The following ATP2C2 variants were observed in gnomAD, a reference collection of about 807,000 sequenced individuals.
ATP2C2 encodes ATPase secretory pathway Ca2+ transporting 2.
In ATP2C2, 171 loss-of-function variants were observed where a neutral mutation model predicts 110.8. That is an observed-to-expected ratio of 1.54 (90% CI 1.36 to 1.75). ATP2C2 has a LOEUF of 1.75. Ranked by LOEUF, ATP2C2 falls within the 40% of genes most tolerant of loss-of-function variation. The pLI is 0.00. For missense variants in ATP2C2, 1,963 were observed against 1,235.0 expected (o/e 1.59, Z -8.84); for synonymous variants, 804 against 508.4 (o/e 1.58, Z -7.82).
intron 10 of ATP2C2, among the ~76,000 whole-genome samples, chr16:84,424,870 TG>T (rs1907672123): frequency 6.6e-6 from 1 of 152,156 alleles, no homozygotes; most frequent in Non-Finnish European, 1.5e-5. Flanking sequence ...CCTTCTACTA[TG>T]GGAATGCCAC....
At chr16:84,452,948 G>C (rs982407325) in intron 18 of ATP2C2, among the ~76,000 whole-genome samples, 190 bp from the exon 19 acceptor site, 4 of 152,170 alleles carry the variant, frequency 2.6e-5, no homozygotes, top group Non-Finnish European at 4.4e-5. Context: ...TCTTTAAAGT[G>C]GGGATAATGA....
At chr16:84,411,710 G>A (rs1906311027) in intron 6 of ATP2C2, among the ~76,000 whole-genome samples, 1 of 152,122 alleles carries the variant, frequency 6.6e-6, no homozygotes, top group African/African-American at 2.4e-5. Context: ...CTAAAGTAGT[G>A]GGATTACAGG....
chr16:84,433,663 A>AAAACG (rs1455088623), intron 11 of ATP2C2, among the ~76,000 whole-genome samples: 3 of 141,682 alleles, frequency 2.1e-5, no homozygotes, highest in Non-Finnish European at 3.0e-5. Flanking sequence ...AAAACAAAAC[A>AAAACG]AAACAAACAA....
chr16:84,389,570 C>G (rs879618859), intron 1 of ATP2C2, among the ~76,000 whole-genome samples: 1 of 152,200 alleles, frequency 6.6e-6, no homozygotes, highest in African/African-American at 2.4e-5. Context: ...ATTTTCGTTT[C>G]TTAAACGCGG....
At chr16:84,425,892 G>C (rs1264835184) in intron 11 of ATP2C2, 91 bp downstream of exon 11, 1 of 1,494,216 alleles carries the variant, frequency 6.7e-7, no homozygotes, top group African/African-American at 1.4e-5. Flanking sequence ...GGAGGCTGCA[G>C]AATAGGAAGG....
At chr16:84,404,995 A>C (rs529829723) in intron 2 of ATP2C2, 133 bp from the exon 3 acceptor site, 1 of 807,718 alleles carries the variant, frequency 1.2e-6, no homozygotes, top group East Asian at 2.4e-5. Flanking sequence ...AACAAGTCCC[A>C]GCACCTTGGT....
At chr16:84,371,095 G>A (rs1030250871) in intron 1 of ATP2C2, among the ~76,000 whole-genome samples, 1 of 152,200 alleles carries the variant, frequency 6.6e-6, no homozygotes, top group Non-Finnish European at 1.5e-5. Context: ...AGACCCAGTG[G>A]TCTCAGGTGC....
intron 1 of ATP2C2, among the ~76,000 whole-genome samples, chr16:84,369,775 T>C (rs1163649657): frequency 2.6e-5 from 4 of 152,256 alleles, no homozygotes; most frequent in Non-Finnish European, 5.9e-5. Flanking sequence ...AATAGTGTTT[T>C]GTGCTTTTTT....
rs773113418 is a variant in ATP2C2 at position 84,398,528 on chromosome 16, C to G, written c.129C>G (p.Ile43Met). 2.5e-6 allele frequency: 4 copies of G among 1,612,856 alleles called. No individual in the cohort carries two copies. The South Asian group carries it at 3.3e-5, about 13-fold the overall frequency. ...LIDEQSELKAIEKEKKVTALP... is the reference protein window; with the variant it reads ...LIDEQSELKAMEKEKKVTALP... ...ATGAACAGAGTGAGCTGAAAGCCAT[C>G]GAGAAAGAGAAGAAGGTGACAGCCC... Residue 43 changes from isoleucine (I) to methionine (M), a missense_variant, in exon 2 of 27, where the codon ATC (isoleucine) becomes ATG (methionine). By Grantham distance (10) the Ile-to-Met change is conservative. Transcript: ENST00000262429.
intron 1 of ATP2C2, among the ~76,000 whole-genome samples, chr16:84,370,852 T>C (rs1184069403): frequency 6.6e-6 from 1 of 152,116 alleles, no homozygotes; most frequent in Admixed American, 6.6e-5. Context: ...CTAATAGTGA[T>C]TGTTACTGAG....
At chr16:84,430,989 C>T (rs8045211) in intron 11 of ATP2C2, among the ~76,000 whole-genome samples, 55,663 of 151,738 alleles carry the variant, frequency 0.37, 10,368 homozygotes, top group South Asian at 0.39. Context: ...GCAATGGGCT[C>T]GAGTTTGTTT....
intron 6 of ATP2C2, 58 bp from the exon 7 acceptor site, chr16:84,415,425 G>C: frequency 3.7e-6 from 5 of 1,364,112 alleles, no homozygotes; most frequent in Non-Finnish European, 5.2e-6. Flanking sequence ...AATGTATCAA[G>C]GTGCATAAAA....
intron 11 of ATP2C2, among the ~76,000 whole-genome samples, chr16:84,434,357 G>A (rs1244643969): frequency 4.6e-5 from 7 of 151,370 alleles, no homozygotes; most frequent in South Asian, 2.1e-4. Context: ...CGGAGGTTGC[G>A]GTGAGCCGAG....
At chr16:84,413,687 G>A (rs182744792) in intron 6 of ATP2C2, among the ~76,000 whole-genome samples, 9 of 152,206 alleles carry the variant, frequency 5.9e-5, no homozygotes, top group East Asian at 3.9e-4. Flanking sequence ...CAAAAGCAGC[G>A]GTGTCGGGCA....
At chr16:84,408,318 C>T (rs1277888477) in intron 3 of ATP2C2, 87 bp from the exon 4 acceptor site, 7 of 1,290,446 alleles carry the variant, frequency 5.4e-6, no homozygotes, top group East Asian at 2.3e-5. Context: ...AACTGAGACC[C>T]CTGTCACACA....
chr16:84,461,076 G>T (rs1407371070), intron 24 of ATP2C2: 1 of 425,158 alleles, frequency 2.4e-6, no homozygotes, highest in South Asian at 4.3e-5. Context: ...ATGTACATGA[G>T]GACAGGCTGC....
intron 26 of ATP2C2, 90 bp downstream of exon 26, chr16:84,462,219 G>C: frequency 6.6e-7 from 1 of 1,522,830 alleles, no homozygotes. Context: ...CCCAGGAGGG[G>C]TCAGTGCGGG....
intron 1 of ATP2C2, among the ~76,000 whole-genome samples, chr16:84,380,498 G>C (rs1011171518): frequency 6.6e-6 from 1 of 152,130 alleles, no homozygotes; most frequent in Admixed American, 6.5e-5. Flanking sequence ...CCGTGACTTG[G>C]GGTTGGGGGA....
intron 10 of ATP2C2, among the ~76,000 whole-genome samples, chr16:84,424,817 T>C (rs1171860598): frequency 6.6e-6 from 1 of 152,150 alleles, no homozygotes; most frequent in African/African-American, 2.4e-5. Flanking sequence ...TCGGAAGAGA[T>C]GTACCTAGTT....
Sources: allele counts gnomAD v4.1 joint callset (sites outside exome capture counted in the v4.1 genomes callset), GRCh38; gene constraint gnomAD v4.1.1; transcripts MANE v1.5; gene names NCBI Gene and HGNC (gene_info 2026-07-23, HGNC 2026-07-21).